CAPS2: variants seen among roughly 807,000 people sequenced by gnomAD.
The protein encoded by CAPS2 is calcyphosine 2, also known as calcyphosin-2.
Under a neutral mutation model 86.5 loss-of-function variants are expected in CAPS2, and 98 were observed. That is an observed-to-expected ratio of 1.13 (90% confidence interval 0.96 to 1.34). CAPS2 has a LOEUF of 1.34. Ranked by LOEUF, CAPS2 falls within the 40% of genes most tolerant of loss-of-function variation. CAPS2 has a pLI of 0.00. For synonymous variants in CAPS2, 210 were observed against 225.1 expected, an observed-to-expected ratio of 0.93 and a Z score of 0.60; for missense variants, 729 against 686.8, an observed-to-expected ratio of 1.06 and a Z score of -0.69.
At chr12:75,276,089 T>C, downstream of CAPS2, 1 of 1,031,458 alleles carries the variant, frequency 9.7e-7, no homozygotes, top group Admixed American at 3.8e-5. Flanking sequence ...CAAGAGCCTC[T>C]TCTCATGATC....
intron 7 of CAPS2, among the ~76,000 whole-genome samples, chr12:75,309,863 G>A (rs2038954271): frequency 6.6e-6 from 1 of 152,174 alleles, no homozygotes; most frequent in Non-Finnish European, 1.5e-5. Flanking sequence ...TATCAGTTCT[G>A]TGTTAAATAT....
At chr12:75,377,866 T>C (rs200236979) in intron 1 of CAPS2, among the ~76,000 whole-genome samples, 2 of 70,328 alleles carry the variant, frequency 2.8e-5, no homozygotes, top group African/African-American at 4.6e-5. Context: ...TATATGCGTG[T>C]GTGTGTGTGT....
intron 1 of CAPS2, among the ~76,000 whole-genome samples, chr12:75,351,788 C>T (rs2139447936): frequency 6.6e-6 from 1 of 152,272 alleles, no homozygotes; most frequent in East Asian, 1.9e-4. Context: ...CTCAGGTGAT[C>T]CACCCTCCTT....
intron 8 of CAPS2, among the ~76,000 whole-genome samples, chr12:75,303,079 T>C (rs2038012564): frequency 6.6e-6 from 1 of 152,174 alleles, no homozygotes; most frequent in African/African-American, 2.4e-5. Flanking sequence ...ACAAGGAAGT[T>C]CATAGCAGCA....
At chr12:75,323,437 A>C (rs2040485979) in intron 2 of CAPS2, among the ~76,000 whole-genome samples, 1 of 151,862 alleles carries the variant, frequency 6.6e-6, no homozygotes, top group African/African-American at 2.4e-5. Context: ...TTATAATTAA[A>C]TTAAATTATA....
intron 1 of CAPS2, among the ~76,000 whole-genome samples, chr12:75,376,155 C>T (rs1041242608): frequency 1.3e-5 from 2 of 152,136 alleles, no homozygotes; most frequent in Non-Finnish European, 2.9e-5. Flanking sequence ...AGTGGGCCAT[C>T]GTTTGATCCA....
At chr12:75,327,206 C>T (rs1360787648), upstream of CAPS2, among the ~76,000 whole-genome samples, 2 of 152,046 alleles carry the variant, frequency 1.3e-5, no homozygotes, top group African/African-American at 2.4e-5. Flanking sequence ...TCTCTAATAC[C>T]ACCATGACAT....
chr12:75,384,709 A>G (rs2045192615), intron 1 of CAPS2, among the ~76,000 whole-genome samples: 3 of 152,220 alleles, frequency 2.0e-5, no homozygotes. Context: ...GAAAAAAAAT[A>G]CTACAGACCA....
At chr12:75,347,563 T>C (rs2042536661) in intron 1 of CAPS2, 2 of 1,020,050 alleles carry the variant, frequency 2.0e-6, no homozygotes, top group Non-Finnish European at 3.1e-6. Flanking sequence ...ATTCTCTAAA[T>C]GCATTGTTTG....
chr12:75,294,138 G>C (rs1489506185), intron 11 of CAPS2, among the ~76,000 whole-genome samples: 1 of 152,014 alleles, frequency 6.6e-6, no homozygotes, highest in African/African-American at 2.4e-5. Context: ...TAGAGACGGG[G>C]TTTCACCATG....
At chr12:75,337,149 AAAG>A (rs2041790902) in intron 1 of CAPS2, among the ~76,000 whole-genome samples, 1 of 151,876 alleles carries the variant, frequency 6.6e-6, no homozygotes, top group African/African-American at 2.4e-5. Context: ...ATATTTTAGG[AAAG>A]AAGAATGGTT....
In CAPS2 at chr12:75,355,965, C is replaced by T. The variant is rs1247883090; in HGVS notation, c.-394-32743G>A. On this transcript the variant is annotated intron_variant, in intron 1 of 5. Transcript: ENST00000551829. ...GCCACACAAAGGGTAACAACACACACTGGGGCCTGTTGGGGGTAGGGTGGG... is the reference window on the plus strand; with the variant it reads ...GCCACACAAAGGGTAACAACACACATTGGGGCCTGTTGGGGGTAGGGTGGG... Among the ~76,000 whole-genome samples, 3 of 152,056 alleles carry T rather than the reference C, an allele frequency of 2.0e-5. No individual in the cohort carries two copies. In the East Asian group the frequency reaches 5.8e-4, roughly 29 times the overall value.
intron 1 of CAPS2, among the ~76,000 whole-genome samples, chr12:75,336,641 A>G (rs1221222431): frequency 1.3e-5 from 2 of 151,834 alleles, no homozygotes; most frequent in Non-Finnish European, 3.0e-5. Flanking sequence ...GTAATAATAT[A>G]TTTTAATACA....
chr12:75,296,297 CT>C (rs956853752), intron 11 of CAPS2, among the ~76,000 whole-genome samples: 1,537 of 144,390 alleles, frequency 0.011, 21 homozygotes, highest in African/African-American at 0.033. Flanking sequence ...TGTGGGTACA[CT>C]TTTTTTTTTT....
intron 12 of CAPS2, among the ~76,000 whole-genome samples, 190 bp downstream of exon 12, chr12:75,293,059 C>T (rs1175673184): frequency 2.0e-5 from 3 of 151,970 alleles, no homozygotes; most frequent in Non-Finnish European, 4.4e-5. Flanking sequence ...TTGATTATAA[C>T]TGTTCCCACA....
At chr12:75,347,746 A>G (rs760081224) in intron 1 of CAPS2, 2 of 1,459,960 alleles carry the variant, frequency 1.4e-6, no homozygotes, top group South Asian at 1.2e-5. Context: ...TCTTAAAAAT[A>G]TTTTAATTGA....
rs116099045 is a variant in CAPS2 at position 75,346,237 on chromosome 12, T to C, written c.-394-23015A>G. Among the ~76,000 whole-genome samples, 1,024 of 152,296 alleles carry C rather than the reference T, an allele frequency of 6.7e-3. 9 individuals are homozygous for C. Among genetic ancestry groups the C allele is most frequent in the African/African-American group, 0.023 (973 of 41,568 alleles). On this transcript the variant is annotated intron_variant, in intron 1 of 5. Coordinates refer to the CAPS2 transcript ENST00000551829. The stretch of plus-strand genomic sequence containing the variant: ...AAACATGATTTTTTGGAAATATATA[T>C]ATTTTAGTTGTATTTTTGGTTAATT...
At chr12:75,280,565 G>T (rs1555185744) in intron 16 of CAPS2, among the ~76,000 whole-genome samples, 2 of 151,262 alleles carry the variant, frequency 1.3e-5, no homozygotes, top group South Asian at 4.2e-4. Context: ...AAAAGAGAAA[G>T]AAAAAAATAC....
chr12:75,282,590 T>C (rs2034168895), intron 15 of CAPS2, among the ~76,000 whole-genome samples: 1 of 152,122 alleles, frequency 6.6e-6, no homozygotes, highest in African/African-American at 2.4e-5. Context: ...TTTCGCCATG[T>C]TGGTCAGGCT....
Sources: gnomAD v4.1 joint callset for allele counts (sites outside exome capture counted in the v4.1 genomes callset) on GRCh38, gnomAD v4.1.1 for gene constraint, MANE v1.5 for transcripts, NCBI Gene and HGNC (gene_info 2026-07-23, HGNC 2026-07-21) for gene names.